Variants in TGFBR2 observed in about 807,000 individuals in gnomAD.
TGFBR2 encodes TGF-beta receptor type-2.
A neutral mutation model predicts 49.0 loss-of-function variants in TGFBR2; 18 were observed. That is an observed-to-expected ratio of 0.37 (90% CI 0.25 to 0.54). The LOEUF is 0.54. Ranked by LOEUF, TGFBR2 falls within the 20% of genes least tolerant of loss-of-function variation. The pLI is 0.85. For missense variants in TGFBR2, 525 were observed against 722.6 expected, an observed-to-expected ratio of 0.73 and a Z score of 3.13; for synonymous variants, 282 against 275.9, an observed-to-expected ratio of 1.02 and a Z score of -0.22.
At chr3:30,621,447 A>AT (rs1288528747) in intron 1 of TGFBR2, among the ~76,000 whole-genome samples, 1 of 151,692 alleles carries the variant, frequency 6.6e-6, no homozygotes, top group African/African-American at 2.4e-5. Context: ...CACCTGGCTA[A>AT]TTTTTGTATT....
At position 30,672,071 on chromosome 3, in the gene TGFBR2, C is replaced by T. The variant is rs1425604913; in HGVS notation, c.888C>T (p.Asp296=). The T allele has an allele frequency of 3.1e-6, 5 of 1,614,232 alleles. No individual in the cohort carries two copies. The highest frequency in any genetic ancestry group is 3.3e-4 in the Middle Eastern group (2 of 6,062). The part of the protein sequence containing the change: ...SWKTEKDIFS[D]INLKHENILQ... ...AGACAGAGAAGGACATCTTCTCAGA[C>T]ATCAATCTGAAGCATGAGAACATAC... The change falls in exon 4 of 7, where the codon GAC becomes GAT. Residue 296 remains aspartate, a synonymous_variant. Transcript: ENST00000295754. The surrounding 1 kb of genome is among the most constrained non-coding windows in gnomAD (Gnocchi z 4.5).
chr3:30,652,467 C>T (rs1335968769), intron 3 of TGFBR2, among the ~76,000 whole-genome samples: 1 of 152,078 alleles, frequency 6.6e-6, no homozygotes. Context: ...CTCCTGACCT[C>T]AGGTGAATAA....
chr3:30,623,076 A>G (rs1305952726), intron 1 of TGFBR2: 2 of 677,202 alleles, frequency 3.0e-6, no homozygotes, highest in Admixed American at 2.6e-5. Flanking sequence ...TCTAGTTATA[A>G]TAATCTTTTA....
At chr3:30,679,483 G>A (rs946471742) in intron 5 of TGFBR2, among the ~76,000 whole-genome samples, 1 of 152,274 alleles carries the variant, frequency 6.6e-6, no homozygotes. Context: ...GCTTCATTTC[G>A]CACAAAATTC....
intron 1 of TGFBR2, among the ~76,000 whole-genome samples, chr3:30,638,066 A>T (rs13083813): frequency 0.7 from 106,363 of 152,190 alleles, 37,848 homozygotes; most frequent in African/African-American, 0.85. Context: ...TCTGCATTTC[A>T]CTTGTTAGCA....
At chr3:30,689,979 G>A (rs1329311680) in intron 6 of TGFBR2, among the ~76,000 whole-genome samples, 1 of 152,074 alleles carries the variant, frequency 6.6e-6, no homozygotes, top group Non-Finnish European at 1.5e-5. Context: ...CTCTTAACAG[G>A]GCCATCTGTC....
intron 5 of TGFBR2, 150 bp from the exon 6 acceptor site, chr3:30,688,234 C>T: frequency 1.0e-6 from 1 of 977,618 alleles, no homozygotes; most frequent in Non-Finnish European, 1.6e-6. Flanking sequence ...TTATCTTAGC[C>T]ATTATTATTA....
At chr3:30,674,305 T>G (rs1699395460) in intron 5 of TGFBR2, 59 bp downstream of exon 5, 9 of 1,603,374 alleles carry the variant, frequency 5.6e-6, no homozygotes, top group Non-Finnish European at 7.7e-6. Context: ...TAAGATCATG[T>G]GTTGCTTCGA....
intron 3 of TGFBR2, among the ~76,000 whole-genome samples, chr3:30,654,542 C>G (rs1371156216): frequency 6.6e-6 from 1 of 152,140 alleles, no homozygotes; most frequent in Non-Finnish European, 1.5e-5. Flanking sequence ...TCTGAAGATT[C>G]CCTCCTGCCA....
chr3:30,689,605 CGAGG>C, intron 6 of TGFBR2, among the ~76,000 whole-genome samples: 1 of 152,272 alleles, frequency 6.6e-6, no homozygotes, highest in East Asian at 1.9e-4. Context: ...TAATAAAGTC[CGAGG>C]AGGTTGGCGA....
intron 1 of TGFBR2, among the ~76,000 whole-genome samples, chr3:30,639,214 G>T (rs1414702086): frequency 6.6e-6 from 1 of 152,156 alleles, no homozygotes; most frequent in Non-Finnish European, 1.5e-5. Context: ...GCATCACCCA[G>T]GGCAGCAGCT....
intron 1 of TGFBR2, among the ~76,000 whole-genome samples, chr3:30,623,929 G>A (rs1422900431): frequency 6.6e-6 from 1 of 152,122 alleles, no homozygotes; most frequent in Admixed American, 6.5e-5. Flanking sequence ...ATCACCTGAG[G>A]TCAAGAGTTC....
At chr3:30,639,251 G>T (rs1209795383) in intron 1 of TGFBR2, among the ~76,000 whole-genome samples, 1 of 152,148 alleles carries the variant, frequency 6.6e-6, no homozygotes, top group Non-Finnish European at 1.5e-5. Flanking sequence ...GGTCAGTTTC[G>T]TGTGTACTTG....
At position 30,688,489 on chromosome 3, in the gene TGFBR2, C is replaced by T. The variant is rs746373651; in HGVS notation, c.1502C>T (p.Pro501Leu). ...AGAGATCGAGGGCGACCAGAAATTCCCAGCTTCTGGCTCAACCACCAGGTA... is the reference window on the plus strand; with the variant it reads ...AGAGATCGAGGGCGACCAGAAATTCTCAGCTTCTGGCTCAACCACCAGGTA... ...VLRDRGRPEIPSFWLNHQGIQ... is the reference protein window; with the variant it reads ...VLRDRGRPEILSFWLNHQGIQ... Residue 501 changes from proline (P) to leucine (L), a missense_variant, in exon 6 of 7, where the codon CCC becomes CTC. This residue lies in a region of TGFBR2 where 104 missense variants were observed against 133.4 expected (regional missense o/e 0.78). Transcript: ENST00000295754. The T allele has an allele frequency of 6.2e-7, 1 of 1,614,210 alleles. No homozygotes were observed. Among genetic ancestry groups the T allele is most frequent in the South Asian group, 1.1e-5 (1 of 91,090 alleles).
At chr3:30,666,727 C>T (rs1405638196) in intron 3 of TGFBR2, among the ~76,000 whole-genome samples, 1 of 148,320 alleles carries the variant, frequency 6.7e-6, no homozygotes, top group Non-Finnish European at 1.5e-5. Context: ...GCCTTGAACT[C>T]CTGCCTCAAG....
At position 30,691,551 on chromosome 3, in the gene TGFBR2, C is replaced by T. The variant is rs756434427; in HGVS notation, c.1656C>T (p.Cys552=). The T allele has an allele frequency of 2.5e-6, 4 of 1,613,980 alleles. No homozygotes were observed. Among genetic ancestry groups the T allele is most frequent in the Admixed American group, 1.7e-5 (1 of 59,998 alleles). ...TGGACAGGCTCTCGGGGAGGAGCTGCTCGGAGGAGAAGATTCCTGAAGACG... is the reference window on the plus strand; with the variant it reads ...TGGACAGGCTCTCGGGGAGGAGCTGTTCGGAGGAGAAGATTCCTGAAGACG... The part of the protein sequence containing the change: ...EHLDRLSGRS[C]SEEKIPEDGS... The change falls in exon 7 of 7, where the codon TGC becomes TGT. Residue 552 remains cysteine (C), a synonymous_variant. Transcript: ENST00000295754.
In TGFBR2 at chr3:30,677,913, T is replaced by A. The variant is rs1325957707; in HGVS notation, c.1396+3667T>A. Among the ~76,000 whole-genome samples the A allele has an allele frequency of 2.6e-5, 4 of 152,218 alleles. No homozygotes were observed. In the East Asian group the frequency reaches 7.7e-4, roughly 29 times the overall value. Reference sequence around the variant, plus strand: ...AAATTAAATAATGAATCCCCCTGTTTGATGTTAGACTTTAATTTTAAGGTA... The same window carrying A: ...AAATTAAATAATGAATCCCCCTGTTAGATGTTAGACTTTAATTTTAAGGTA... On this transcript the variant is annotated intron_variant, in intron 5 of 6. Coordinates refer to ENST00000295754, the MANE Select transcript of TGFBR2 (RefSeq NM_003242.6).
intron 3 of TGFBR2, among the ~76,000 whole-genome samples, chr3:30,651,986 A>G (rs185422938): frequency 2.0e-5 from 3 of 152,176 alleles, no homozygotes; most frequent in African/African-American, 4.8e-5. Flanking sequence ...GCGAGAAGCT[A>G]TGTGTCCTCG....
In TGFBR2 at chr3:30,672,206, C is replaced by T. The variant is rs2125435684; in HGVS notation, c.1023C>T (p.Val341=). 4.3e-6 allele frequency: 7 copies of T among 1,611,588 alleles called. No homozygotes were observed. Among genetic ancestry groups the T allele is most frequent in the Non-Finnish European group, 5.1e-6 (6 of 1,177,798 alleles). The change falls in exon 4 of 7, where the codon GTC becomes GTT. Residue 341 remains valine, a synonymous_variant. Coordinates refer to ENST00000295754, the MANE Select transcript of TGFBR2 (RefSeq NM_003242.6). The surrounding 1 kb of genome is among the most constrained non-coding windows in gnomAD (Gnocchi z 4.5). ...TACAGGAGTACCTGACGCGGCATGT[C>T]ATCAGCTGGGAGGACCTGCGCAAGC... ...GNLQEYLTRH[V]ISWEDLRKLG... is the part of the protein sequence containing the mutation.
Sources: allele counts gnomAD v4.1 joint callset (sites outside exome capture counted in the v4.1 genomes callset), GRCh38; gene constraint gnomAD v4.1.1; regional missense constraint gnomAD v4.1.1; non-coding constraint Gnocchi (gnomAD v3.1); transcripts MANE v1.5; gene names NCBI Gene and HGNC (gene_info 2026-07-23, HGNC 2026-07-21).